BIRC2: variants seen among roughly 807,000 people sequenced by gnomAD.
BIRC2 encodes baculoviral IAP repeat-containing protein 2.
BIRC2 carries 18 observed loss-of-function variants against 60.9 expected under a neutral mutation model. That is an observed-to-expected ratio of 0.30 (90% CI 0.20 to 0.44). The LOEUF is 0.44. Among genes scored for constraint, BIRC2 ranks in the 20% least tolerant of loss-of-function variants. BIRC2 has a pLI of 1.00. For missense variants in BIRC2, 701 were observed against 728.5 expected, an observed-to-expected ratio of 0.96 and a Z score of 0.43; for synonymous variants, 282 against 247.7, an observed-to-expected ratio of 1.14 and a Z score of -1.30.
rs747477980 is a variant in BIRC2 at position 102,348,657 on chromosome 11, A to T, written c.-1198A>T. 2.8e-6 allele frequency: 1 copy of T among 360,874 alleles called. No individual in the cohort carries two copies. The allele number at this position is 360,874 out of a possible 1,614,324, so 22.4% of individuals were successfully genotyped here. On this transcript the variant is annotated 5_prime_UTR_variant, in exon 2 of 9. Transcript: ENST00000227758. ...TTGTCCCCCTGCAGTAATAAATCCCATTATGGAGATCTCGAAACTTTATAA... is the reference window on the plus strand; with the variant it reads ...TTGTCCCCCTGCAGTAATAAATCCCTTTATGGAGATCTCGAAACTTTATAA...
chr11:102,374,715 G>A (rs1461377181), intron 6 of BIRC2, among the ~76,000 whole-genome samples: 1 of 152,194 alleles, frequency 6.6e-6, no homozygotes, highest in Non-Finnish European at 1.5e-5. Flanking sequence ...GTTCCTGGCT[G>A]CTTTGTTTAC....
At chr11:102,364,174 T>TATATATAC (rs1389968594) in intron 5 of BIRC2, among the ~76,000 whole-genome samples, 2,374 of 76,710 alleles carry the variant, frequency 0.031, 58 homozygotes, top group East Asian at 0.076. Flanking sequence ...TATATATATA[T>TATATATAC]ACACACACAC....
At chr11:102,365,884 C>A (rs916115318) in intron 5 of BIRC2, among the ~76,000 whole-genome samples, 2 of 152,156 alleles carry the variant, frequency 1.3e-5, no homozygotes, top group East Asian at 3.8e-4. Context: ...TGAGCCACTG[C>A]ATTTGGCCTC....
At chr11:102,359,437 G>C (rs2135810691) in intron 3 of BIRC2, among the ~76,000 whole-genome samples, 1 of 152,134 alleles carries the variant, frequency 6.6e-6, no homozygotes, top group Non-Finnish European at 1.5e-5. Context: ...TTAACAGTGA[G>C]TTTCATACTT....
intron 3 of BIRC2, 93 bp from the exon 4 acceptor site, chr11:102,362,803 A>G: frequency 2.2e-6 from 2 of 923,782 alleles, no homozygotes; most frequent in Non-Finnish European, 3.4e-6. Context: ...ACTATGGAGT[A>G]CAATGAAAGA....
At chr11:102,369,919 TGATG>T (rs1288528018) in intron 6 of BIRC2, among the ~76,000 whole-genome samples, 1 of 150,324 alleles carries the variant, frequency 6.7e-6, no homozygotes, top group African/African-American at 2.4e-5. Flanking sequence ...TGGCCAGTGA[TGATG>T]AGCATTTTTT....
intron 3 of BIRC2, among the ~76,000 whole-genome samples, chr11:102,353,943 A>ACC (rs1476923534): frequency 6.6e-6 from 1 of 151,920 alleles, no homozygotes; most frequent in Non-Finnish European, 1.5e-5. Context: ...TGGTTCTAGG[A>ACC]CCCCCATGTA....
Position 102,362,923 on chromosome 11 carries a change from C to G in BIRC2, c.1023C>G (p.Gly341=), listed in dbSNP as rs774195397. The change falls in exon 4 of 9, where the codon GGC becomes GGG. Residue 341 remains glycine, a synonymous_variant. Coordinates refer to ENST00000227758, the MANE Select transcript of BIRC2 (RefSeq NM_001166.5). ...PRCEFLIRMK[G]QEFVDEIQGR... is the part of the protein sequence containing the mutation. ...GTGAGTTCTTGATACGAATGAAAGG[C>G]CAAGAGTTTGTTGATGAGATTCAAG... is the stretch of plus-strand genomic sequence containing the variant. The G allele has an allele frequency of 6.2e-7, 1 of 1,612,910 alleles. No individual in the cohort carries two copies. The highest frequency in any genetic ancestry group is 1.3e-5 in the African/African-American group (1 of 74,986).
intron 3 of BIRC2, among the ~76,000 whole-genome samples, chr11:102,353,679 CTTTTTTTTTT>C (rs60766578): frequency 8.1e-5 from 7 of 86,088 alleles, no homozygotes; most frequent in Non-Finnish European, 1.1e-4. Context: ...TAGTAACTTT[CTTTTTTTTTT>C]TTTTTTTTTT....
Position 102,350,701 on chromosome 11 carries a change from G to T in BIRC2, c.847G>T (p.Val283Phe). 1.2e-6 allele frequency: 2 copies of T among 1,612,548 alleles called. No homozygotes were observed. The highest frequency in any genetic ancestry group is 1.7e-6 in the Non-Finnish European group (2 of 1,179,298). ...AACATTTATGTACTGGCCATCTAGTGTTCCAGTTCAGCCTGAGCAGCTTGC... is the reference window on the plus strand; with the variant it reads ...AACATTTATGTACTGGCCATCTAGTTTTCCAGTTCAGCCTGAGCAGCTTGC... The part of the protein sequence containing the change: ...MRTFMYWPSS[V>F]PVQPEQLASA... Residue 283 changes from valine (V) to phenylalanine (F), a missense_variant, in exon 2 of 9, where the codon GTT becomes TTT. Around this residue, in one of 4 missense-constraint regions of BIRC2, gnomAD observed 375 missense variants for 365.9 expected, o/e 1.02. Transcript: ENST00000227758.
rs60766578 is a variant in BIRC2 at position 102,353,679 on chromosome 11, C to CTTTTTTTTTTT, written c.995+2750_995+2760dup. 7.7e-4 allele frequency among the ~76,000 whole-genome samples: 66 copies of CTTTTTTTTTTT among 86,054 alleles called. 1 individual carries two copies. The highest frequency in any genetic ancestry group is 1.2e-3 in the Non-Finnish European group (55 of 45,196). 56.5% of individuals were successfully genotyped at this position (86,054 alleles called of 152,430 possible). A position where few individuals can be genotyped will look rare whatever the true frequency, so the allele number is the denominator to read the frequency against. ...ATCCATCACCTTATGTAGTAACTTTCTTTTTTTTTTTTTTTTTTTTTTTTG... is the reference window on the plus strand; with the variant it reads ...ATCCATCACCTTATGTAGTAACTTTCTTTTTTTTTTTTTTTTTTTTTTTTTTTTTTTTTTTG... On this transcript the variant is annotated intron_variant, in intron 3 of 8. Transcript: ENST00000227758.
rs1347124821 is a variant in BIRC2 at position 102,356,235 on chromosome 11, G to C, written c.995+5292G>C. On this transcript the variant is annotated intron_variant, in intron 3 of 8. Coordinates refer to ENST00000227758, the MANE Select transcript of BIRC2 (RefSeq NM_001166.5). ...TTTTGAGATGGAATTTTGCTCTGTTGCCCAGGCTAGAATGCAGTGGCGCAA... is the reference window on the plus strand; with the variant it reads ...TTTTGAGATGGAATTTTGCTCTGTTCCCCAGGCTAGAATGCAGTGGCGCAA... 6.4e-5 allele frequency among the ~76,000 whole-genome samples: 8 copies of C among 125,792 alleles called. No individual in the cohort carries two copies. In the Admixed American group the frequency reaches 7.5e-4, roughly 12 times the overall value. The allele number at this position is 125,792 out of a possible 152,430, so 82.5% of individuals were successfully genotyped here.
chr11:102,365,430 T>C (rs1434933852), intron 5 of BIRC2, among the ~76,000 whole-genome samples: 1 of 152,258 alleles, frequency 6.6e-6, no homozygotes, highest in Non-Finnish European at 1.5e-5. Flanking sequence ...TTATCTGTGC[T>C]TAACTCTGTT....
intron 5 of BIRC2, among the ~76,000 whole-genome samples, chr11:102,367,128 AT>A: frequency 6.6e-6 from 1 of 152,238 alleles, no homozygotes; most frequent in East Asian, 1.9e-4. Context: ...GCAATGCCAA[AT>A]TCCCCTCTGA....
At chr11:102,358,289 A>C (rs922354089) in intron 3 of BIRC2, among the ~76,000 whole-genome samples, 3 of 152,214 alleles carry the variant, frequency 2.0e-5, no homozygotes, top group African/African-American at 7.2e-5. Context: ...CAAAATTTAA[A>C]ACTTTTTGAG....
chr11:102,363,602 GTGT>G (rs1951509768), intron 4 of BIRC2, 63 bp from the exon 5 acceptor site: 1 of 1,216,678 alleles, frequency 8.2e-7, no homozygotes, highest in Non-Finnish European at 1.2e-6. Flanking sequence ...GCTTATTTTA[GTGT>G]TGTTCTTTTC....
chr11:102,356,516 C>T (rs1023752330), intron 3 of BIRC2, among the ~76,000 whole-genome samples: 13 of 151,050 alleles, frequency 8.6e-5, no homozygotes, highest in Non-Finnish European at 1.5e-4. Flanking sequence ...TTTTCATTAT[C>T]GAGTATGATG....
At chr11:102,363,593 C>A in intron 4 of BIRC2, 75 bp from the exon 5 acceptor site, 1 of 1,138,914 alleles carries the variant, frequency 8.8e-7, no homozygotes, top group Non-Finnish European at 1.3e-6. Flanking sequence ...TTAAAGTAAG[C>A]TTATTTTAGT....
chr11:102,359,721 C>A (rs977941628), intron 3 of BIRC2, among the ~76,000 whole-genome samples: 3 of 152,170 alleles, frequency 2.0e-5, no homozygotes, highest in Admixed American at 2.0e-4. Flanking sequence ...TATAGGGTTT[C>A]TCTTGTAGAA....
Sources: allele counts gnomAD v4.1 joint callset (sites outside exome capture counted in the v4.1 genomes callset), GRCh38; gene constraint gnomAD v4.1.1; regional missense constraint gnomAD v4.1.1; transcripts MANE v1.5; gene names NCBI Gene and HGNC (gene_info 2026-07-23, HGNC 2026-07-21).